PCDHA1: variants seen among roughly 807,000 people sequenced by gnomAD.
PCDHA1 encodes the protein protocadherin alpha-1.
Under a neutral mutation model 61.3 loss-of-function variants are expected in PCDHA1, and 42 were observed. That is an observed-to-expected ratio of 0.69 (90% CI 0.54 to 0.89). The LOEUF is 0.89. Among genes scored for constraint, PCDHA1 ranks in the 40% least tolerant of loss-of-function variants. The pLI is 0.00. For missense variants in PCDHA1, 1,256 were observed against 1,235.3 expected (o/e 1.02, Z -0.25); for synonymous variants, 610 against 553.8 (o/e 1.10, Z -1.43).
intron 1 of PCDHA1, chr5:140,829,267 C>T (rs2150164900): frequency 1.5e-5 from 24 of 1,614,242 alleles, no homozygotes; most frequent in East Asian, 2.2e-5. Flanking sequence ...TGACGCCTCA[C>T]GTCCCTTTCA....
intron 1 of PCDHA1, chr5:140,843,353 G>A: frequency 1.3e-6 from 2 of 1,596,134 alleles, no homozygotes; most frequent in African/African-American, 1.3e-5. Context: ...GGCTCCAAAA[G>A]CGTCATCGAG....
At chr5:141,005,909 T>C (rs1368661717) in intron 3 of PCDHA1, among the ~76,000 whole-genome samples, 1 of 151,946 alleles carries the variant, frequency 6.6e-6, no homozygotes, top group African/African-American at 2.4e-5. Context: ...ATTGCACCAC[T>C]GCACTTCAGC....
chr5:140,841,750 A>G (rs1554138520), intron 1 of PCDHA1: 6 of 1,613,798 alleles, frequency 3.7e-6, no homozygotes, highest in Non-Finnish European at 5.1e-6. Context: ...TGTTTGTTTC[A>G]GAATCCAGAA....
intron 1 of PCDHA1, among the ~76,000 whole-genome samples, chr5:140,887,104 T>G (rs1554182871): frequency 6.6e-6 from 1 of 151,604 alleles, no homozygotes; most frequent in Admixed American, 6.6e-5. Flanking sequence ...TTTATCTCTT[T>G]TTTTTTTTTT....
Position 140,929,404 on chromosome 5 carries a change from G to A in PCDHA1, c.2395-49545G>A, listed in dbSNP as rs530409256. 1.4e-5 allele frequency: 21 copies of A among 1,506,596 alleles called. No individual in the cohort carries two copies. The South Asian group carries it at 1.9e-4, about 14-fold the overall frequency. The allele number at this position is 1,506,596 out of a possible 1,614,324, so 93.3% of individuals were successfully genotyped here. A position where few individuals can be genotyped will look rare whatever the true frequency, so the allele number is the denominator to read the frequency against. ...GTGTTTTGAAATATTTCTTAGACAAGCCTTTCACAACATTTCATCAATTGA... is the reference window on the plus strand; with the variant it reads ...GTGTTTTGAAATATTTCTTAGACAAACCTTTCACAACATTTCATCAATTGA... On this transcript the variant is annotated intron_variant, in intron 1 of 3. Coordinates refer to ENST00000504120, the MANE Select transcript of PCDHA1 (RefSeq NM_018900.4).
At chr5:140,862,093 G>C (rs1554155665) in intron 1 of PCDHA1, 1 of 156,518 alleles carries the variant, frequency 6.4e-6, no homozygotes, top group African/African-American at 2.4e-5. Flanking sequence ...GCCCTTTTTC[G>C]CATAGATTCA....
chr5:140,857,086 A>G, intron 1 of PCDHA1: 1 of 1,596,918 alleles, frequency 6.3e-7, no homozygotes, highest in South Asian at 1.1e-5. Context: ...ATGATAATTC[A>G]CCTGAGGTGA....
intron 1 of PCDHA1, chr5:140,860,501 CA>C (rs2046424429): frequency 6.6e-6 from 1 of 151,970 alleles, no homozygotes; most frequent in Non-Finnish European, 1.5e-5. Context: ...TGTCTACATA[CA>C]AGATAAAACT....
At chr5:140,797,941 C>T (rs1418176872) in intron 1 of PCDHA1, among the ~76,000 whole-genome samples, 1 of 152,148 alleles carries the variant, frequency 6.6e-6, no homozygotes, top group African/African-American at 2.4e-5. Flanking sequence ...TAACCTCTGC[C>T]ACCCGGGTTC....
At chr5:140,979,137 A>G (rs1554240284) in intron 2 of PCDHA1, 130 bp downstream of exon 2, 1 of 1,459,542 alleles carries the variant, frequency 6.9e-7, no homozygotes, top group Non-Finnish European at 9.0e-7. Context: ...GGAAAATGCA[A>G]TTATTTTGTC....
chr5:140,835,485 G>C (rs371322976), intron 1 of PCDHA1: 7 of 1,613,778 alleles, frequency 4.3e-6, no homozygotes, highest in Non-Finnish European at 5.9e-6. Flanking sequence ...ACCAGGTACC[G>C]TCATCACATT....
At chr5:140,967,944 A>T in intron 1 of PCDHA1, 1 of 1,614,088 alleles carries the variant, frequency 6.2e-7, no homozygotes, top group Non-Finnish European at 8.5e-7. Flanking sequence ...AATGACCAAG[A>T]CTCAGGCCCC....
intron 1 of PCDHA1, among the ~76,000 whole-genome samples, chr5:140,976,410 G>C (rs1353790339): frequency 6.6e-6 from 1 of 152,074 alleles, no homozygotes; most frequent in Non-Finnish European, 1.5e-5. Context: ...AATTAGCCAG[G>C]TACGGTGGCA....
intron 1 of PCDHA1, chr5:140,796,048 A>G (rs782659941): frequency 5.0e-6 from 8 of 1,614,054 alleles, no homozygotes; most frequent in Non-Finnish European, 5.1e-6. Flanking sequence ...CATCTCAGAG[A>G]ACGCTTCCCT....
chr5:140,824,610 G>GTTTGT (rs1768197195), intron 1 of PCDHA1: 2 of 95,104 alleles, frequency 2.1e-5, no homozygotes, highest in African/African-American at 4.9e-5. Context: ...GCTAATTAAA[G>GTTTGT]TTTTTTTTTT....
chr5:140,797,329 T>C, intron 1 of PCDHA1: 3 of 1,614,184 alleles, frequency 1.9e-6, no homozygotes, highest in Non-Finnish European at 2.5e-6. Flanking sequence ...GAAACAGCTC[T>C]CAGAATCAGA....
intron 1 of PCDHA1, chr5:140,809,006 C>A: frequency 6.2e-7 from 1 of 1,613,702 alleles, no homozygotes; most frequent in South Asian, 1.1e-5. Flanking sequence ...CAACGCGTGG[C>A]TTTCGTACGA....
chr5:140,853,126 G>T, intron 1 of PCDHA1: 1 of 560,330 alleles, frequency 1.8e-6, no homozygotes. Flanking sequence ...TGATCCTCCC[G>T]CCTCAGCCTC....
At chr5:140,903,454 A>G (rs1554190971) in intron 1 of PCDHA1, among the ~76,000 whole-genome samples, 1 of 152,208 alleles carries the variant, frequency 6.6e-6, no homozygotes, top group Non-Finnish European at 1.5e-5. Flanking sequence ...ATCTGATCAA[A>G]CTTAAAATAT....
Sources: allele counts gnomAD v4.1 joint callset (sites outside exome capture counted in the v4.1 genomes callset), GRCh38; gene constraint gnomAD v4.1.1; transcripts MANE v1.5; gene names NCBI Gene and HGNC (gene_info 2026-07-23, HGNC 2026-07-21).